CCDC198: variants seen among roughly 807,000 people sequenced by gnomAD.
CCDC198 encodes the protein factor associated with metabolism and energy.
Under a neutral mutation model 35.6 loss-of-function variants are expected in CCDC198, and 18 were observed. The observed-to-expected ratio is 0.51, with a 90% CI of 0.35 to 0.75. The LOEUF is 0.75. Among genes scored for constraint, CCDC198 ranks in the 30% least tolerant of loss-of-function variants. The pLI, the probability that CCDC198 is intolerant of heterozygous loss-of-function variation, is 0.01. For missense variants in CCDC198, 365 were observed against 343.7 expected (o/e 1.06, Z -0.49); for synonymous variants, 119 against 113.4 (o/e 1.05, Z -0.31).
chr14:57,478,624 T>A (rs547359271), intron 5 of CCDC198: 1 of 994,542 alleles, frequency 1.0e-6, no homozygotes, highest in African/African-American at 1.7e-5. Flanking sequence ...AAGTGATGAC[T>A]CTTAAATGTC....
rs1286126368 is a variant in CCDC198, at chr14:57,475,306, TA to T, written c.656-3717del. 18 of 834,464 alleles carry T rather than the reference TA, an allele frequency of 2.2e-5. 1 individual carries two copies. Among genetic ancestry groups the T allele is most frequent in the South Asian group, 1.1e-4 (2 of 18,484 alleles). The allele number at this position is 834,464 out of a possible 1,614,324, so 51.7% of individuals were successfully genotyped here. A position where few individuals can be genotyped will look rare whatever the true frequency, so the allele number is the denominator to read the frequency against. On this transcript the variant is annotated intron_variant, in intron 5 of 5. Coordinates refer to ENST00000216445, the MANE Select transcript of CCDC198 (RefSeq NM_018168.4). ...TAAATAAATAAATAAATAAAATCTA[TA>T]AAAAAATAAAATAAAACAAGATTCT...
chr14:57,478,933 C>A, intron 5 of CCDC198: 1 of 1,278,590 alleles, frequency 7.8e-7, no homozygotes. Context: ...GCTCTCTCAG[C>A]GGTGGGTCAG....
chr14:57,475,395 G>A (rs1445863933), intron 5 of CCDC198: 26 of 1,039,526 alleles, frequency 2.5e-5, no homozygotes, highest in South Asian at 2.9e-5. Flanking sequence ...TAAAATAATG[G>A]ATTCAAAGTG....
chr14:57,480,663 C>A lies in CCDC198; in HGVS notation c.587G>T (p.Ser196Ile), dbSNP rs1404922793. ...RDHKAKKTLQ[S>I]TPRNDDHDLL... Reference sequence around the variant, plus strand: ...GTCATGGTCATCATTCCTTGGGGTGCTTTGAAGGGTTTTCTTGGCTTTATG... The same window carrying A: ...GTCATGGTCATCATTCCTTGGGGTGATTTGAAGGGTTTTCTTGGCTTTATG... Residue 196 changes from serine to isoleucine, a missense_variant, in exon 5 of 6, where the codon AGC becomes ATC. Physicochemically the swap from Ser to Ile is moderately radical, Grantham distance 142 (BLOSUM62 -2). Coordinates refer to ENST00000216445, the MANE Select transcript of CCDC198 (RefSeq NM_018168.4). The A allele has an allele frequency of 6.2e-7, 1 of 1,614,130 alleles. No homozygotes were observed. Among genetic ancestry groups the A allele is most frequent in the Non-Finnish European group, 8.5e-7 (1 of 1,180,002 alleles).
chr14:57,493,175 A>G (rs565005236), intron 1 of CCDC198, among the ~76,000 whole-genome samples: 136 of 152,310 alleles, frequency 8.9e-4, no homozygotes, highest in Non-Finnish European at 1.7e-3. Context: ...TAGTATCTAT[A>G]TAATTTTAAT....
chr14:57,489,465 C>T (rs1473028453), intron 2 of CCDC198, among the ~76,000 whole-genome samples: 3 of 152,030 alleles, frequency 2.0e-5, no homozygotes, highest in Non-Finnish European at 2.9e-5. Flanking sequence ...AGCAAATCAC[C>T]GTGGCACTTA....
Position 57,469,953 on chromosome 14 carries a change from T to C in CCDC198, c.*1402A>G, listed in dbSNP as rs916444887. 2.6e-4 allele frequency: 39 copies of C among 152,338 alleles called. No individual in the cohort carries two copies. Among genetic ancestry groups the C allele is most frequent in the African/African-American group, 8.7e-4 (36 of 41,576 alleles). 9.4% of individuals were successfully genotyped at this position (152,338 alleles called of 1,614,324 possible). A position where few individuals can be genotyped will look rare whatever the true frequency, so the allele number is the denominator to read the frequency against. ...AAAGCTTTAATAAATTCTTGGAAGA[T>C]TCTGGATTGCTTGAAATTATTTTTA... On this transcript the variant is annotated 3_prime_UTR_variant, in exon 6 of 6. Coordinates refer to ENST00000216445, the MANE Select transcript of CCDC198 (RefSeq NM_018168.4).
chr14:57,490,954 G>T (rs1177778701), intron 2 of CCDC198, 35 bp downstream of exon 2: 29 of 1,495,084 alleles, frequency 1.9e-5, no homozygotes, highest in East Asian at 4.5e-5. Flanking sequence ...TTTTATCCAA[G>T]AAATTCCTTA....
intron 5 of CCDC198, chr14:57,475,654 C>T (rs1594782257): frequency 2.4e-6 from 1 of 409,200 alleles, no homozygotes; most frequent in Admixed American, 3.0e-5. Context: ...TTGCGGTGAG[C>T]CGAGATCATG....
At position 57,469,959 on chromosome 14, in the gene CCDC198, A is replaced by G. The variant is rs1218446502; in HGVS notation, c.*1396T>C. 6.6e-6 allele frequency: 1 copy of G among 152,072 alleles called. No homozygotes were observed. Among genetic ancestry groups the G allele is most frequent in the Non-Finnish European group, 1.5e-5 (1 of 68,012 alleles). 9.4% of individuals were successfully genotyped at this position (152,072 alleles called of 1,614,324 possible). ...TTAATAAATTCTTGGAAGATTCTGG[A>G]TTGCTTGAAATTATTTTTAGATTAT... is the stretch of plus-strand genomic sequence containing the variant. On this transcript the variant is annotated 3_prime_UTR_variant, in exon 6 of 6. Coordinates refer to ENST00000216445, the MANE Select transcript of CCDC198 (RefSeq NM_018168.4).
Position 57,491,083 on chromosome 14 carries a change from G to T in CCDC198, c.224-12C>A. On this transcript the variant is annotated splice_polypyrimidine_tract_variant and intron_variant, in intron 1 of 5. Transcript: ENST00000216445. ...CATGTCTCTGGATGCTTGAAGGATT[G>T]GGGAAGAAACAGGAATAAAACATTA... The T allele has an allele frequency of 1.9e-6, 3 of 1,608,356 alleles. No individual in the cohort carries two copies. Among genetic ancestry groups the T allele is most frequent in the Non-Finnish European group, 2.5e-6 (3 of 1,176,552 alleles).
chr14:57,492,836 T>C (rs2067621821), intron 1 of CCDC198, among the ~76,000 whole-genome samples: 1 of 152,156 alleles, frequency 6.6e-6, no homozygotes, highest in Non-Finnish European at 1.5e-5. Context: ...ATTATCATTG[T>C]GGTCATCATA....
chr14:57,481,657 C>G lies in CCDC198; in HGVS notation c.397G>C (p.Val133Leu). The change falls in exon 4 of 6, where the codon GTA becomes CTA. Residue 133 changes from valine (V) to leucine (L), a missense_variant. Val to Leu is a conservative substitution (Grantham distance 32). Coordinates refer to ENST00000216445, the MANE Select transcript of CCDC198 (RefSeq NM_018168.4). ...GGAGTTTGCATTTTCTTTTCTAGTA[C>G]CTGCTATGAAAGACAACACACTTGT... The part of the protein sequence containing the change: ...EARTMHKAKQ[V>L]LEKKMQTPMY... 1 of 1,595,502 alleles carries G rather than the reference C, an allele frequency of 6.3e-7. No individual in the cohort carries two copies. Among genetic ancestry groups the G allele is most frequent in the Non-Finnish European group, 8.6e-7 (1 of 1,165,350 alleles).
chr14:57,475,976 T>C (rs944025911), intron 5 of CCDC198, among the ~76,000 whole-genome samples: 1 of 151,528 alleles, frequency 6.6e-6, no homozygotes, highest in Admixed American at 6.6e-5. Context: ...TAATTTTTTG[T>C]ATTTTTACTA....
chr14:57,481,375 A>G (rs943763937), intron 4 of CCDC198, among the ~76,000 whole-genome samples, 184 bp downstream of exon 4: 2 of 152,240 alleles, frequency 1.3e-5, no homozygotes, highest in African/African-American at 4.8e-5. Flanking sequence ...AAAAGACTCA[A>G]CAAGGTTATC....
chr14:57,491,063 C>T lies in CCDC198; in HGVS notation c.232G>A (p.Asp78Asn), dbSNP rs2067549879. ...WYGRYSTASR[D>N]MYFDIPLEHR... is the part of the protein sequence containing the mutation. ...TCCAGTGGGATGTCAAAATACATGT[C>T]TCTGGATGCTTGAAGGATTGGGGAA... Residue 78 changes from aspartate to asparagine, a missense_variant, in exon 2 of 6, where the codon GAC becomes AAC. Physicochemically the swap from Asp to Asn is conservative, Grantham distance 23. Coordinates refer to ENST00000216445, the MANE Select transcript of CCDC198 (RefSeq NM_018168.4). 6.2e-7 allele frequency: 1 copy of T among 1,610,768 alleles called. No individual in the cohort carries two copies.
At position 57,481,669 on chromosome 14, in the gene CCDC198, G is replaced by A; in HGVS notation, c.394-9C>T. ...TTCTTTTCTAGTACCTGCTATGAAA[G>A]ACAACACACTTGTTAGTATGGGGTA... is the stretch of plus-strand genomic sequence containing the variant. On this transcript the variant is annotated splice_polypyrimidine_tract_variant and intron_variant, in intron 3 of 5. Transcript: ENST00000216445. 6.5e-7 allele frequency: 1 copy of A among 1,530,586 alleles called. No individual in the cohort carries two copies. 94.8% of individuals were successfully genotyped at this position (1,530,586 alleles called of 1,614,324 possible). A position where few individuals can be genotyped will look rare whatever the true frequency, so the allele number is the denominator to read the frequency against.
intron 5 of CCDC198, among the ~76,000 whole-genome samples, chr14:57,472,015 A>G (rs1368038215): frequency 6.6e-6 from 1 of 152,082 alleles, no homozygotes; most frequent in Non-Finnish European, 1.5e-5. Context: ...TTTTCTCTGC[A>G]TAACTACAAT....
rs776407104 is a variant in CCDC198 at position 57,471,492 on chromosome 14, C to A, written c.754G>T (p.Ala252Ser). The A allele has an allele frequency of 5.6e-6, 9 of 1,613,904 alleles. No individual in the cohort carries two copies. The highest frequency in any genetic ancestry group is 7.6e-6 in the Non-Finnish European group (9 of 1,179,924). Reference protein sequence around the residue: ...KMETWLHEQEAQGQLLWDSSS... With the variant: ...KMETWLHEQESQGQLLWDSSS... ...CTGTCCCAGAGAAGCTGTCCCTGGG[C>A]CTCTTGTTCATGAAGCCATGTTTCC... Residue 252 changes from alanine (A) to serine (S), a missense_variant, in exon 6 of 6, where the codon GCC (alanine) becomes TCC (serine). By Grantham distance (99) the Ala-to-Ser change is moderately conservative. Transcript: ENST00000216445.
Sources: gnomAD v4.1 joint callset for allele counts (sites outside exome capture counted in the v4.1 genomes callset) on GRCh38, gnomAD v4.1.1 for gene constraint, MANE v1.5 for transcripts, NCBI Gene and HGNC (gene_info 2026-07-23, HGNC 2026-07-21) for gene names.